MDGA2: variants seen among roughly 807,000 people sequenced by gnomAD.
The protein encoded by MDGA2 is MAM domain-containing glycosylphosphatidylinositol anchor protein 2.
A neutral mutation model predicts 117.8 loss-of-function variants in MDGA2; 40 were observed. That is an observed-to-expected ratio of 0.34 (90% CI 0.26 to 0.44). MDGA2 has a LOEUF of 0.44. MDGA2 is among the 20% of genes least tolerant of loss of function. The pLI, the probability that MDGA2 is intolerant of heterozygous loss-of-function variation, is 1.00. For missense variants in MDGA2, 1,123 were observed against 1,250.6 expected (o/e 0.90, Z 1.54); for synonymous variants, 452 against 439.0 (o/e 1.03, Z -0.37).
chr14:47,494,338 T>G (rs1263598727), intron 1 of MDGA2, among the ~76,000 whole-genome samples: 1 of 152,214 alleles, frequency 6.6e-6, no homozygotes, highest in African/African-American at 2.4e-5. Flanking sequence ...TGAAACTCAT[T>G]CTATAATCAC....
intron 8 of MDGA2, among the ~76,000 whole-genome samples, chr14:46,968,592 G>A (rs960423563): frequency 2.0e-5 from 3 of 152,080 alleles, no homozygotes; most frequent in African/African-American, 7.2e-5. Flanking sequence ...CCGGCACTTT[G>A]GGAAGCCAAG....
At chr14:47,169,729 T>C (rs994005316) in intron 3 of MDGA2, among the ~76,000 whole-genome samples, 2 of 152,090 alleles carry the variant, frequency 1.3e-5, no homozygotes, top group African/African-American at 4.8e-5. Context: ...TTGACAGTTA[T>C]GATAAAATAA....
chr14:47,414,763 T>C (rs1892441571), intron 1 of MDGA2, among the ~76,000 whole-genome samples: 1 of 152,042 alleles, frequency 6.6e-6, no homozygotes, highest in African/African-American at 2.4e-5. Flanking sequence ...TGTGATGTTT[T>C]CTCCTGATTT....
At chr14:47,102,282 C>A (rs1156977345) in intron 5 of MDGA2, among the ~76,000 whole-genome samples, 1 of 122,016 alleles carries the variant, frequency 8.2e-6, no homozygotes, top group Non-Finnish European at 1.7e-5. Flanking sequence ...CTAATTTAAG[C>A]TCAAGACTTT....
At chr14:47,571,452 C>G (rs927124007) in intron 1 of MDGA2, among the ~76,000 whole-genome samples, 1 of 152,106 alleles carries the variant, frequency 6.6e-6, no homozygotes, top group South Asian at 2.1e-4. Flanking sequence ...GTCACATGCA[C>G]ACGTATATTT....
At chr14:47,672,626 T>C (rs1488589418) in intron 1 of MDGA2, among the ~76,000 whole-genome samples, 1 of 152,178 alleles carries the variant, frequency 6.6e-6, no homozygotes, top group East Asian at 1.9e-4. Flanking sequence ...CACTCACACA[T>C]GCATACATAC....
At chr14:46,929,333 G>T (rs946470778) in intron 9 of MDGA2, among the ~76,000 whole-genome samples, 1 of 151,620 alleles carries the variant, frequency 6.6e-6, no homozygotes, top group Non-Finnish European at 1.5e-5. Context: ...GTGCTAATTT[G>T]AATGATGTAT....
At chr14:47,252,394 C>T (rs767824657) in intron 2 of MDGA2, among the ~76,000 whole-genome samples, 2 of 152,052 alleles carry the variant, frequency 1.3e-5, no homozygotes, top group African/African-American at 4.8e-5. Context: ...ATAATACACA[C>T]ACAAGTCCCT....
At chr14:47,006,601 G>GGAAAA (rs1887721495) in intron 8 of MDGA2, among the ~76,000 whole-genome samples, 1 of 151,010 alleles carries the variant, frequency 6.6e-6, no homozygotes, top group Non-Finnish European at 1.5e-5. Flanking sequence ...AATAAGAAAA[G>GGAAAA]GAAAATGCCT....
At chr14:47,015,778 C>G (rs1032417058) in intron 8 of MDGA2, among the ~76,000 whole-genome samples, 7 of 151,958 alleles carry the variant, frequency 4.6e-5, no homozygotes, top group African/African-American at 1.7e-4. Context: ...GTAACATATG[C>G]TTCCAAATAA....
chr14:46,870,407 G>C (rs548398405), intron 14 of MDGA2, among the ~76,000 whole-genome samples: 1 of 151,942 alleles, frequency 6.6e-6, no homozygotes, highest in Non-Finnish European at 1.5e-5. Flanking sequence ...TGTAAAACCA[G>C]TGGCTATAAA....
chr14:46,927,288 T>C (rs1406088179), intron 9 of MDGA2, among the ~76,000 whole-genome samples: 2 of 152,178 alleles, frequency 1.3e-5, no homozygotes, highest in African/African-American at 2.4e-5. Flanking sequence ...TAATATTAGG[T>C]CTTATCATAT....
At position 46,989,098 on chromosome 14, in the gene MDGA2, C is replaced by G. The variant is rs556616124; in HGVS notation, c.1820-31455G>C. Among the ~76,000 whole-genome samples the G allele has an allele frequency of 2.0e-5, 3 of 152,196 alleles. No homozygotes were observed. In the East Asian group the frequency reaches 5.8e-4, roughly 29 times the overall value. ...AACAAAAAATTACTCATTACATGCA[C>G]TCATAATTCTCTGCTTGGTTATCAC... On this transcript the variant is annotated intron_variant, in intron 8 of 16. Coordinates refer to ENST00000399232, the MANE Select transcript of MDGA2 (RefSeq NM_001113498.3).
At chr14:46,886,469 A>G (rs1029828869) in intron 10 of MDGA2, among the ~76,000 whole-genome samples, 4 of 152,118 alleles carry the variant, frequency 2.6e-5, no homozygotes, top group African/African-American at 9.7e-5. Context: ...CATATTAAAG[A>G]ATAAAGAAAT....
intron 1 of MDGA2, among the ~76,000 whole-genome samples, chr14:47,580,701 T>C (rs923348944): frequency 1.3e-5 from 2 of 151,188 alleles, no homozygotes; most frequent in Admixed American, 1.3e-4. Flanking sequence ...TTGGAAGTCA[T>C]TTTTTTTTCT....
At chr14:47,270,133 G>C (rs528157234) in intron 2 of MDGA2, among the ~76,000 whole-genome samples, 1 of 152,266 alleles carries the variant, frequency 6.6e-6, no homozygotes, top group Non-Finnish European at 1.5e-5. Flanking sequence ...GTTTGAAGGA[G>C]CACCCTAACT....
At chr14:46,981,524 G>A (rs1886671971) in intron 8 of MDGA2, among the ~76,000 whole-genome samples, 1 of 152,148 alleles carries the variant, frequency 6.6e-6, no homozygotes, top group African/African-American at 2.4e-5. Context: ...TTTTCATAGG[G>A]CTTATGGCTA....
intron 10 of MDGA2, among the ~76,000 whole-genome samples, chr14:46,906,700 G>A (rs982584056): frequency 2.0e-5 from 3 of 152,000 alleles, no homozygotes; most frequent in African/African-American, 4.8e-5. Context: ...ACTCTAGGAA[G>A]GGAGATAATT....
At chr14:47,178,970 G>A (rs1457798778) in intron 3 of MDGA2, among the ~76,000 whole-genome samples, 8 of 152,038 alleles carry the variant, frequency 5.3e-5, no homozygotes, top group Non-Finnish European at 1.0e-4. Flanking sequence ...ATCCATTAGA[G>A]AGACATATGG....
Sources: gnomAD v4.1 joint callset for allele counts (sites outside exome capture counted in the v4.1 genomes callset) on GRCh38, gnomAD v4.1.1 for gene constraint, MANE v1.5 for transcripts, NCBI Gene and HGNC (gene_info 2026-07-23, HGNC 2026-07-21) for gene names.